MMUT: variants seen among roughly 807,000 people sequenced by gnomAD.
The protein encoded by MMUT is methylmalonyl-CoA mutase, also known as methylmalonyl-CoA mutase, mitochondrial.
Under a neutral mutation model 79.9 loss-of-function variants are expected in MMUT, and 79 were observed. The ratio of observed to expected loss-of-function variants is 0.99; its 90% CI spans 0.82 to 1.19. The LOEUF (loss-of-function observed/expected upper bound fraction) is 1.19, where lower values mean the gene tolerates loss of function less well. MMUT is among the 50% of genes most tolerant of loss of function. The pLI is 0.00. For synonymous variants in MMUT, 273 were observed against 295.7 expected (o/e 0.92, Z 0.79); for missense variants, 860 against 917.2 (o/e 0.94, Z 0.81).
rs748901340 is a variant in MMUT at position 49,457,825 on chromosome 6, C to G, written c.619G>C (p.Gly207Arg). ...CCAGTAAGCTTCTCTTTAGGTACAC[C>G]TTGTTCTTCTCCAGTTACTATAAAA... The part of the protein sequence containing the change: ...ANFIVTGEEQ[G>R]VPKEKLTGTI... Residue 207 changes from glycine to arginine, a missense_variant, in exon 3 of 13, where the codon GGT becomes CGT. Physicochemically the swap from Gly to Arg is moderately radical, Grantham distance 125. Transcript: ENST00000274813. 1.9e-6 allele frequency: 3 copies of G among 1,613,650 alleles called. No individual in the cohort carries two copies. The South Asian group carries it at 3.3e-5, about 18-fold the overall frequency.
Position 49,449,462 on chromosome 6 carries a change from A to G in MMUT, c.1333-535T>C, listed in dbSNP as rs1281101200. Among the ~76,000 whole-genome samples the G allele has an allele frequency of 5.3e-5, 8 of 151,962 alleles. 1 individual carries two copies. Among genetic ancestry groups the G allele is most frequent in the Admixed American group, 5.3e-4 (8 of 15,228 alleles). On this transcript the variant is annotated intron_variant, in intron 6 of 12. Coordinates refer to ENST00000274813, the MANE Select transcript of MMUT (RefSeq NM_000255.4). Reference sequence around the variant, plus strand: ...ATGAATTCAAGAAAGAAGAATCTATATTGGATTCTACGTAAGTGTAAAATG... The same window carrying G: ...ATGAATTCAAGAAAGAAGAATCTATGTTGGATTCTACGTAAGTGTAAAATG...
chr6:49,450,803 A>C (rs1160828415), intron 6 of MMUT, among the ~76,000 whole-genome samples: 1 of 152,214 alleles, frequency 6.6e-6, no homozygotes, highest in African/African-American at 2.4e-5. Flanking sequence ...CAAGATTCAG[A>C]ATTAAACAGA....
rs767761662 is a variant in MMUT, at chr6:49,441,833, A to G, written c.1808+7T>C. ...GAAATTCTGGCCTAAGAAACCTTAC[A>G]TATTACCTCTTGATAGCAGATGTTA... On this transcript the variant is annotated splice_region_variant and intron_variant, in intron 10 of 12. Coordinates refer to ENST00000274813, the MANE Select transcript of MMUT (RefSeq NM_000255.4). 5 of 1,610,064 alleles carry G rather than the reference A, an allele frequency of 3.1e-6. No homozygotes were observed. The highest frequency in any genetic ancestry group is 4.2e-6 in the Non-Finnish European group (5 of 1,177,426).
intron 11 of MMUT, 124 bp from the exon 12 acceptor site, chr6:49,435,747 G>A (rs1767107054): frequency 9.7e-7 from 1 of 1,030,722 alleles, no homozygotes; most frequent in Non-Finnish European, 1.4e-6. Flanking sequence ...TCATGATGAA[G>A]ATGCCAAAAG....
At chr6:49,457,574 C>G in intron 3 of MMUT, 117 bp downstream of exon 3, 1 of 909,588 alleles carries the variant, frequency 1.1e-6, no homozygotes, top group East Asian at 2.7e-5. Context: ...GTAACAATAA[C>G]AAAACATTCT....
At chr6:49,455,779 A>G (rs1220098854) in intron 4 of MMUT, among the ~76,000 whole-genome samples, 2 of 152,218 alleles carry the variant, frequency 1.3e-5, no homozygotes, top group Non-Finnish European at 2.9e-5. Context: ...TGGAAAAATT[A>G]GAAAAAACTG....
chr6:49,458,719 C>G (rs773346949), intron 2 of MMUT, among the ~76,000 whole-genome samples: 4 of 152,202 alleles, frequency 2.6e-5, no homozygotes, highest in African/African-American at 4.8e-5. Flanking sequence ...CACGTTATCA[C>G]ATTTACACTT....
chr6:49,446,316 A>G (rs1767409221), intron 8 of MMUT, among the ~76,000 whole-genome samples: 1 of 151,994 alleles, frequency 6.6e-6, no homozygotes, highest in Non-Finnish European at 1.5e-5. Flanking sequence ...TACTAAAGAG[A>G]GCTCAGAGTA....
chr6:49,437,575 A>T (rs996237891), intron 11 of MMUT, among the ~76,000 whole-genome samples: 2 of 152,116 alleles, frequency 1.3e-5, no homozygotes, highest in Non-Finnish European at 2.9e-5. Context: ...CACCATGAAA[A>T]ACAACTGGCT....
At chr6:49,442,339 T>C (rs1561952984) in intron 9 of MMUT, among the ~76,000 whole-genome samples, 1 of 152,116 alleles carries the variant, frequency 6.6e-6, no homozygotes, top group African/African-American at 2.4e-5. Context: ...TCTTTTAGCA[T>C]ATTCCATCCA....
rs1028877309 is a variant in MMUT at position 49,457,690 on chromosome 6, C to T, written c.753+1G>A. On this transcript the variant is annotated splice_donor_variant, in intron 3 of 12. Coordinates refer to ENST00000274813, the MANE Select transcript of MMUT (RefSeq NM_000255.4). LOFTEE classifies it high-confidence loss of function. ...AAACCTATAATAACCACAAAGTATACCTTTGCTGTATATTCAAATATGTCA... is the reference window on the plus strand; with the variant it reads ...AAACCTATAATAACCACAAAGTATATCTTTGCTGTATATTCAAATATGTCA... 1.9e-6 allele frequency: 3 copies of T among 1,609,158 alleles called. No individual in the cohort carries two copies. In the African/African-American group the frequency reaches 4.0e-5, roughly 22 times the overall value.
intron 12 of MMUT, among the ~76,000 whole-genome samples, chr6:49,433,503 G>A (rs899395815): frequency 6.6e-6 from 1 of 152,110 alleles, no homozygotes; most frequent in Non-Finnish European, 1.5e-5. Context: ...AAAAATATAT[G>A]TTTGAATGTC....
chr6:49,461,179 G>GTTGCTAAGTCAGCTAAACTCCT (rs1767831125), intron 1 of MMUT, among the ~76,000 whole-genome samples: 1 of 152,150 alleles, frequency 6.6e-6, no homozygotes, highest in Non-Finnish European at 1.5e-5. Context: ...GTTACTTAAT[G>GTTGCTAAGTCAGCTAAACTCCT]GTTGCTAGAA....
intron 8 of MMUT, among the ~76,000 whole-genome samples, chr6:49,446,451 T>C (rs1373490576): frequency 1.3e-5 from 2 of 151,894 alleles, no homozygotes; most frequent in Admixed American, 6.6e-5. Flanking sequence ...AAAAGTTACA[T>C]CAGAATATCC....
intron 8 of MMUT, 46 bp from the exon 9 acceptor site, chr6:49,444,800 T>G: frequency 1.4e-6 from 2 of 1,461,398 alleles, no homozygotes; most frequent in Non-Finnish European, 1.9e-6. Context: ...GAAGAGAGAA[T>G]AAAACAGAGA....
chr6:49,451,150 C>A (rs893357858), intron 6 of MMUT, among the ~76,000 whole-genome samples: 1 of 152,084 alleles, frequency 6.6e-6, no homozygotes, highest in Non-Finnish European at 1.5e-5. Context: ...ATGTATCTTA[C>A]TCCAGGAAGC....
intron 11 of MMUT, among the ~76,000 whole-genome samples, chr6:49,439,808 TGCAACTG>T (rs1336490060): frequency 6.6e-6 from 1 of 152,216 alleles, no homozygotes; most frequent in Non-Finnish European, 1.5e-5. Flanking sequence ...TCCTCTGGCA[TGCAACTG>T]TCTCACCAAT....
chr6:49,447,539 G>T, intron 8 of MMUT, 131 bp downstream of exon 8: 1 of 633,180 alleles, frequency 1.6e-6, no homozygotes, highest in Non-Finnish European at 2.8e-6. Flanking sequence ...CCTTACATTT[G>T]AAATGATGGA....
chr6:49,451,038 T>G (rs542992195), intron 6 of MMUT, among the ~76,000 whole-genome samples: 106 of 152,204 alleles, frequency 7.0e-4, no homozygotes, highest in African/African-American at 2.6e-3. Context: ...ATAGATAGTG[T>G]CTAAGGTCTC....
Sources: allele counts gnomAD v4.1 joint callset (sites outside exome capture counted in the v4.1 genomes callset), GRCh38; gene constraint gnomAD v4.1.1; transcripts MANE v1.5; gene names NCBI Gene and HGNC (gene_info 2026-07-23, HGNC 2026-07-21).